Variants in MCMDC2 observed in about 807,000 individuals in gnomAD.
MCMDC2 encodes the protein minichromosome maintenance domain-containing protein 2.
MCMDC2 carries 54 observed loss-of-function variants against 75.8 expected under a neutral mutation model. The ratio of observed to expected loss-of-function variants is 0.71; its 90% CI spans 0.57 to 0.89. The LOEUF (loss-of-function observed/expected upper bound fraction) is 0.89, where lower values mean the gene tolerates loss of function less well. Among genes scored for constraint, MCMDC2 ranks in the 40% least tolerant of loss-of-function variants. The pLI is 0.00. For synonymous variants in MCMDC2, 249 were observed against 274.6 expected (o/e 0.91, Z 0.92); for missense variants, 656 against 780.4 (o/e 0.84, Z 1.90).
At chr8:66,889,071 A>T (rs1811977059) in intron 9 of MCMDC2, among the ~76,000 whole-genome samples, 1 of 152,196 alleles carries the variant, frequency 6.6e-6, no homozygotes, top group Non-Finnish European at 1.5e-5. Flanking sequence ...AGAATAGAAC[A>T]TGCGCTAGAT....
chr8:66,924,632 T>TG, downstream of MCMDC2, among the ~76,000 whole-genome samples: 1 of 131,124 alleles, frequency 7.6e-6, no homozygotes, highest in African/African-American at 2.9e-5. Flanking sequence ...AGACTCTGGC[T>TG]CAAAAAAAAA....
chr8:66,878,874 A>G lies in MCMDC2; in HGVS notation c.664A>G (p.Asn222Asp). 6.2e-7 allele frequency: 1 copy of G among 1,610,828 alleles called. No individual in the cohort carries two copies. The highest frequency in any genetic ancestry group is 8.5e-7 in the Non-Finnish European group (1 of 1,178,914). Residue 222 changes from asparagine to aspartate, a missense_variant, in exon 7 of 15, where the codon AAC becomes GAC. By Grantham distance (23) the Asn-to-Asp change is conservative. Coordinates refer to ENST00000422365, the MANE Select transcript of MCMDC2 (RefSeq NM_173518.5). ...KALRAFQGYS[N>D]NQPFRFQSLT... ...ACTTCGTGCTTTTCAAGGATATTCTAACAACCAGCCATTTAGGTTTCAATC... is the reference window on the plus strand; with the variant it reads ...ACTTCGTGCTTTTCAAGGATATTCTGACAACCAGCCATTTAGGTTTCAATC...
At chr8:66,925,528 G>C (rs1211080629), downstream of MCMDC2, 1 of 152,490 alleles carries the variant, frequency 6.6e-6, no homozygotes, top group African/African-American at 2.4e-5. Flanking sequence ...TCCCTCGCCG[G>C]TCGCGCGGGA....
Position 66,915,761 on chromosome 8 carries a change from C to T in MCMDC2, c.1880-3242C>T, listed in dbSNP as rs952710109. Among the ~76,000 whole-genome samples, 6 of 151,964 alleles carry T rather than the reference C, an allele frequency of 3.9e-5. No homozygotes were observed. The East Asian group carries it at 9.7e-4, about 25-fold the overall frequency. The stretch of plus-strand genomic sequence containing the variant: ...CAAAGCCAAGGAATGGATGAAATCA[C>T]CTAGATGGAGACTAGTGGGAACCCC... On this transcript the variant is annotated intron_variant, in intron 14 of 14. Coordinates refer to ENST00000422365, the MANE Select transcript of MCMDC2 (RefSeq NM_173518.5).
At chr8:66,881,032 C>A in intron 8 of MCMDC2, 58 bp downstream of exon 8, 1 of 1,293,170 alleles carries the variant, frequency 7.7e-7, no homozygotes, top group Non-Finnish European at 1.0e-6. Context: ...TCTATTTGTT[C>A]AGCAGATAAG....
chr8:66,902,436 C>T (rs1252513946), intron 13 of MCMDC2, among the ~76,000 whole-genome samples: 1 of 151,010 alleles, frequency 6.6e-6, no homozygotes. Flanking sequence ...TGCCTATAAT[C>T]CCAGCACTTT....
At chr8:66,906,869 C>T (rs1268349548) in intron 14 of MCMDC2, among the ~76,000 whole-genome samples, 1 of 151,788 alleles carries the variant, frequency 6.6e-6, no homozygotes, top group Non-Finnish European at 1.5e-5. Flanking sequence ...CTCTGCCTCC[C>T]AGGTTCAAGC....
intron 1 of MCMDC2, among the ~76,000 whole-genome samples, chr8:66,872,371 C>G (rs1811064068): frequency 6.6e-6 from 1 of 152,108 alleles, no homozygotes; most frequent in Non-Finnish European, 1.5e-5. Flanking sequence ...TACCTTCTTC[C>G]CTATGACCCC....
At chr8:66,872,423 A>G (rs1462068273) in intron 1 of MCMDC2, among the ~76,000 whole-genome samples, 1 of 152,226 alleles carries the variant, frequency 6.6e-6, no homozygotes, top group Non-Finnish European at 1.5e-5. Context: ...GGAAAATGTT[A>G]TGACCCATAT....
intron 9 of MCMDC2, among the ~76,000 whole-genome samples, chr8:66,889,633 C>CAAAAAAAACA (rs2130820179): frequency 6.6e-6 from 1 of 151,278 alleles, no homozygotes; most frequent in South Asian, 2.1e-4. Flanking sequence ...CCCGTCTCTC[C>CAAAAAAAACA]AAAAAAAACA....
At position 66,901,796 on chromosome 8, in the gene MCMDC2, T is replaced by G. The variant is rs1812672188; in HGVS notation, c.1769+448T>G. The G allele has an allele frequency of 1.0e-5, 2 of 198,044 alleles. 1 individual carries two copies. The highest frequency in any genetic ancestry group is 3.5e-4 in the South Asian group (2 of 5,716). The allele number at this position is 198,044 out of a possible 1,614,324, so 12.3% of individuals were successfully genotyped here. On this transcript the variant is annotated intron_variant, in intron 13 of 14. Coordinates refer to ENST00000422365, the MANE Select transcript of MCMDC2 (RefSeq NM_173518.5). Reference sequence around the variant, plus strand: ...AATACAGAAAATTAGCTAGGCGTGGTGGTGCGTTCATGTAGTCCCAGCTAC... The same window carrying G: ...AATACAGAAAATTAGCTAGGCGTGGGGGTGCGTTCATGTAGTCCCAGCTAC...
chr8:66,905,329 A>G lies in MCMDC2; in HGVS notation c.1873A>G (p.Lys625Glu). The part of the protein sequence containing the change: ...ALLFETSLTL[K>E]YGATVFCVAP... The stretch of plus-strand genomic sequence containing the variant: ...ACTATTTGAAACATCCCTCACATTG[A>G]AATATGGTAATGAATTAAATTATTA... Residue 625 changes from lysine (K) to glutamate (E), a missense_variant, in exon 14 of 15, where the codon AAA (lysine) becomes GAA (glutamate). Physicochemically the swap from Lys to Glu is moderately conservative, Grantham distance 56 (BLOSUM62 1). Coordinates refer to ENST00000422365, the MANE Select transcript of MCMDC2 (RefSeq NM_173518.5). 6.8e-7 allele frequency: 1 copy of G among 1,469,670 alleles called. No homozygotes were observed. The allele number at this position is 1,469,670 out of a possible 1,614,324, so 91.0% of individuals were successfully genotyped here. A position where few individuals can be genotyped will look rare whatever the true frequency, so the allele number is the denominator to read the frequency against.
chr8:66,874,062 T>A lies in MCMDC2; in HGVS notation c.-79T>A, dbSNP rs967734957. 1 of 887,572 alleles carries A rather than the reference T, an allele frequency of 1.1e-6. No homozygotes were observed. The highest frequency in any genetic ancestry group is 1.7e-6 in the Non-Finnish European group (1 of 599,702). The allele number at this position is 887,572 out of a possible 1,614,324, so 55.0% of individuals were successfully genotyped here. A position where few individuals can be genotyped will look rare whatever the true frequency, so the allele number is the denominator to read the frequency against. On this transcript the variant is annotated 5_prime_UTR_variant, in exon 2 of 15. Transcript: ENST00000422365. ...TTAATTTTATTTCTAGGTTTTCACA[T>A]CCTTTCTATGAGTTTCGCCATCTAT...
At chr8:66,890,709 C>T (rs773808244) in intron 9 of MCMDC2, among the ~76,000 whole-genome samples, 156 bp from the exon 10 acceptor site, 3 of 152,156 alleles carry the variant, frequency 2.0e-5, no homozygotes, top group Non-Finnish European at 4.4e-5. Flanking sequence ...TCAGTAGAGA[C>T]GGGATTTTAC....
At position 66,891,066 on chromosome 8, in the gene MCMDC2, A is replaced by G; in HGVS notation, c.1275A>G (p.Gln425=). 6.3e-7 allele frequency: 1 copy of G among 1,591,338 alleles called. No individual in the cohort carries two copies. The highest frequency in any genetic ancestry group is 8.5e-7 in the Non-Finnish European group (1 of 1,174,426). The change falls in exon 10 of 15, where the codon CAA becomes CAG. Residue 425 remains glutamine (Q), a synonymous_variant. Coordinates refer to ENST00000422365, the MANE Select transcript of MCMDC2 (RefSeq NM_173518.5). ...SHKKDKLEQL[Q]TVLESRSITV... is the part of the protein sequence containing the mutation. The stretch of plus-strand genomic sequence containing the variant: ...AAAAAGATAAACTTGAACAGCTTCA[A>G]ACAGGTAAACAATATTTTTTAAATT...
chr8:66,905,830 ACCCGTCTC>A (rs1812884819), intron 14 of MCMDC2, among the ~76,000 whole-genome samples: 2 of 151,718 alleles, frequency 1.3e-5, no homozygotes, highest in East Asian at 3.9e-4. Context: ...TATGGTGAAA[ACCCGTCTC>A]TACTAAAAGT....
At chr8:66,906,561 G>A (rs557212741) in intron 14 of MCMDC2, among the ~76,000 whole-genome samples, 2 of 151,634 alleles carry the variant, frequency 1.3e-5, no homozygotes, top group African/African-American at 2.4e-5. Flanking sequence ...ATTTTTTTCC[G>A]AGGAACATAG....
chr8:66,921,491 A>G lies in MCMDC2; in HGVS notation c.*2322A>G, dbSNP rs1473256649. ...TTATAAGCTAGTACTCAACAGGAGAAAAGATTTAGCTCTAAACCTTCACCC... is the reference window on the plus strand; with the variant it reads ...TTATAAGCTAGTACTCAACAGGAGAGAAGATTTAGCTCTAAACCTTCACCC... On this transcript the variant is annotated 3_prime_UTR_variant, in exon 15 of 15. Transcript: ENST00000422365. 2.0e-5 allele frequency: 3 copies of G among 152,228 alleles called. No individual in the cohort carries two copies. The East Asian group carries it at 5.8e-4, about 29-fold the overall frequency. 9.4% of individuals were successfully genotyped at this position (152,228 alleles called of 1,614,324 possible). A position where few individuals can be genotyped will look rare whatever the true frequency, so the allele number is the denominator to read the frequency against.
At position 66,919,213 on chromosome 8, in the gene MCMDC2, A is replaced by G. The variant is rs1329484221; in HGVS notation, c.*44A>G. The G allele has an allele frequency of 1.4e-6, 2 of 1,454,914 alleles. No homozygotes were observed. Among genetic ancestry groups the G allele is most frequent in the East Asian group, 2.5e-5 (1 of 39,982 alleles). The allele number at this position is 1,454,914 out of a possible 1,614,324, so 90.1% of individuals were successfully genotyped here. A position where few individuals can be genotyped will look rare whatever the true frequency, so the allele number is the denominator to read the frequency against. On this transcript the variant is annotated 3_prime_UTR_variant, in exon 15 of 15. Transcript: ENST00000422365. ...GTTCATTCCTACTTAAGCAGTGGAG[A>G]AAAAGTGTGACTATTTTGAGAGTGA...
Sources: gnomAD v4.1 joint callset for allele counts (sites outside exome capture counted in the v4.1 genomes callset) on GRCh38, gnomAD v4.1.1 for gene constraint, MANE v1.5 for transcripts, NCBI Gene and HGNC (gene_info 2026-07-23, HGNC 2026-07-21) for gene names.